The following ZNF81 variants were observed in gnomAD, a reference collection of about 807,000 sequenced individuals.
The protein encoded by ZNF81 is zinc finger protein 81, also known as zinc finger protein 81 (HFZ20).
In ZNF81, 5 loss-of-function variants were observed where a neutral mutation model predicts 32.3. The observed-to-expected ratio is 0.15, with a 90% CI of 0.08 to 0.33. The LOEUF (loss-of-function observed/expected upper bound fraction) is 0.33, where lower values mean the gene tolerates loss of function less well. Among genes scored for constraint, ZNF81 ranks in the 10% least tolerant of loss-of-function variants. ZNF81 has a pLI of 1.00. For missense variants in ZNF81, 379 were observed against 479.8 expected (o/e 0.79, Z 1.96); for synonymous variants, 163 against 166.8 (o/e 0.98, Z 0.17).
intron 2 of ZNF81, among the ~76,000 whole-genome samples, chrX:47,868,314 TGTCTA>T (rs1556883490): frequency 9.1e-6 from 1 of 110,127 alleles, no homozygotes; most frequent in Non-Finnish European, 1.9e-5. Flanking sequence ...CAGATTTGTT[TGTCTA>T]TTAAGTAGAT....
Position 47,920,048 on chromosome X carries a change from G to T in ZNF81, c.*3416G>T, listed in dbSNP as rs1556891656. 1 of 111,850 alleles carries T rather than the reference G, an allele frequency of 8.9e-6. No homozygotes were observed. Among genetic ancestry groups the T allele is most frequent in the East Asian group, 2.8e-4 (1 of 3,568 alleles). 9.2% of individuals were successfully genotyped at this position (111,850 alleles called of 1,213,427 possible). A position where few individuals can be genotyped will look rare whatever the true frequency, so the allele number is the denominator to read the frequency against. On this transcript the variant is annotated 3_prime_UTR_variant, in exon 5 of 5. Transcript: ENST00000338637. ...ATTATTCCTGGAAACAGCCATGGTT[G>T]CCCTTTTGATAGGCCATTAGCATGG...
chrX:47,848,786 T>C (rs1556880823), intron 2 of ZNF81, among the ~76,000 whole-genome samples: 1 of 111,338 alleles, frequency 9.0e-6, no homozygotes, highest in Non-Finnish European at 1.9e-5. Context: ...AATGCAGATA[T>C]TCTAAAATCT....
At chrX:47,873,002 T>C (rs1395659433) in intron 2 of ZNF81, among the ~76,000 whole-genome samples, 1 of 111,581 alleles carries the variant, frequency 9.0e-6, no homozygotes, top group Non-Finnish European at 1.9e-5. Flanking sequence ...TGCCATCCCC[T>C]TTTCTTTCTA....
chrX:47,914,861 G>A, intron 4 of ZNF81, 63 bp from the exon 5 acceptor site: 1 of 1,064,567 alleles, frequency 9.4e-7, no homozygotes, highest in Non-Finnish European at 1.3e-6. Flanking sequence ...TAGCTTATGT[G>A]TACCTTTTAA....
At chrX:47,868,927 A>G (rs1002502933) in intron 2 of ZNF81, among the ~76,000 whole-genome samples, 7 of 13,164 alleles carry the variant, frequency 5.3e-4, no homozygotes, top group Non-Finnish European at 7.1e-4. Context: ...TGTTCCAAAC[A>G]TAGTGGCGGG....
At chrX:47,848,193 G>A (rs1234065304) in intron 2 of ZNF81, among the ~76,000 whole-genome samples, 2 of 111,997 alleles carry the variant, frequency 1.8e-5, no homozygotes, top group Non-Finnish European at 3.8e-5. Context: ...GGAATTACAG[G>A]CGTGAGCCAC....
intron 1 of ZNF81, among the ~76,000 whole-genome samples, chrX:47,843,145 T>C (rs948006077): frequency 8.9e-6 from 1 of 111,745 alleles, no homozygotes; most frequent in Admixed American, 9.5e-5. Flanking sequence ...TCTTCCATGA[T>C]GTAATAGGTA....
chrX:47,919,288 T>C lies in ZNF81; in HGVS notation c.*2656T>C, dbSNP rs482066. On this transcript the variant is annotated 3_prime_UTR_variant, in exon 5 of 5. Coordinates refer to ENST00000338637, the MANE Select transcript of ZNF81 (RefSeq NM_007137.5). Reference sequence around the variant, plus strand: ...TTTGTGTTTCAGTTAGGATAATTTCTATTGATCTGTCTTCAAATTCACTGA... The same window carrying C: ...TTTGTGTTTCAGTTAGGATAATTTCCATTGATCTGTCTTCAAATTCACTGA... The C allele has an allele frequency of 0.038, 11,821 of 309,813 alleles. 616 individuals carry two copies. Among genetic ancestry groups the C allele is most frequent in the African/African-American group, 0.2 (7,322 of 36,993 alleles). The allele number at this position is 309,813 out of a possible 1,213,427, so 25.5% of individuals were successfully genotyped here.
At chrX:47,865,390 G>T (rs192270603) in intron 2 of ZNF81, among the ~76,000 whole-genome samples, 1 of 111,969 alleles carries the variant, frequency 8.9e-6, no homozygotes, top group African/African-American at 3.2e-5. Flanking sequence ...GCTATCTTTC[G>T]TAAGGGGTGT....
chrX:47,862,245 C>T (rs991888185), intron 2 of ZNF81, among the ~76,000 whole-genome samples: 5 of 110,801 alleles, frequency 4.5e-5, no homozygotes, highest in East Asian at 2.8e-4. Context: ...AGTACAATCT[C>T]GGCCGGGTGC....
intron 2 of ZNF81, among the ~76,000 whole-genome samples, chrX:47,861,938 C>A (rs1201870810): frequency 8.9e-6 from 1 of 112,080 alleles, no homozygotes; most frequent in Non-Finnish European, 1.9e-5. Context: ...TTATTAATCA[C>A]CTCGGCTAAA....
rs546511024 is a variant in ZNF81 at position 47,902,937 on chromosome X, A to G, written c.277+6997A>G. Among the ~76,000 whole-genome samples the G allele has an allele frequency of 3.5e-4, 39 of 112,327 alleles. No individual in the cohort carries two copies. In the South Asian group the frequency reaches 0.014, roughly 40 times the overall value. ...AATCAATAAATTTAATCCAGCATAT[A>G]AACAGAACCAAAGACAAAAACCACA... On this transcript the variant is annotated intron_variant, in intron 4 of 4. Transcript: ENST00000338637.
At chrX:47,883,080 TTC>T (rs1191521347) in intron 2 of ZNF81, among the ~76,000 whole-genome samples, 1 of 113,027 alleles carries the variant, frequency 8.8e-6, no homozygotes, top group Non-Finnish European at 1.9e-5. Context: ...ATTTTTGAGT[TTC>T]TTTTTAATTT....
At position 47,923,325 on chromosome X, in the gene ZNF81, T is replaced by C. The variant is rs1556892267; in HGVS notation, c.*6693T>C. Among the ~76,000 whole-genome samples the C allele has an allele frequency of 9.0e-6, 1 of 111,410 alleles. No individual in the cohort carries two copies. The highest frequency in any genetic ancestry group is 9.5e-5 in the Admixed American group (1 of 10,493). ...CCGGCATCTTAGTGTCATCCAGCTA[T>C]CTAAAGAAAATGTAGGGAGTAACAG... On this transcript the variant is annotated 3_prime_UTR_variant, in exon 5 of 5. Transcript: ENST00000338637.
At chrX:47,886,447 G>A (rs1046639212) in intron 2 of ZNF81, among the ~76,000 whole-genome samples, 5 of 111,099 alleles carry the variant, frequency 4.5e-5, no homozygotes, top group African/African-American at 1.6e-4. Flanking sequence ...AGAGATCTGG[G>A]CAGAGTTCAT....
chrX:47,888,196 G>A (rs1313238839), intron 3 of ZNF81, 71 bp downstream of exon 3: 1 of 1,147,998 alleles, frequency 8.7e-7, no homozygotes, highest in African/African-American at 1.8e-5. Context: ...AATAAAATAT[G>A]TTGAAGTCCT....
In ZNF81 at chrX:47,915,645, T is replaced by C. The variant is rs369210201; in HGVS notation, c.999T>C (p.Thr333=). 354 of 1,208,685 alleles carry C rather than the reference T, an allele frequency of 2.9e-4. No homozygotes were observed. Among genetic ancestry groups the C allele is most frequent in the Non-Finnish European group, 3.9e-4 (352 of 894,489 alleles). Residue 333 remains threonine (T), a synonymous_variant, in exon 5 of 5, where the codon ACT becomes ACC. Coordinates refer to ENST00000338637, the MANE Select transcript of ZNF81 (RefSeq NM_007137.5). The part of the protein sequence containing the change: ...VHRDEKLYIC[T]KCGKAFIQNS... ...GAGATGAAAAACTCTACATATGTAC[T>C]AAATGTGGGAAGGCCTTCATCCAGA... is the stretch of plus-strand genomic sequence containing the variant.
chrX:47,880,193 A>C (rs2058615212), intron 2 of ZNF81, among the ~76,000 whole-genome samples: 1 of 111,972 alleles, frequency 8.9e-6, no homozygotes, highest in Non-Finnish European at 1.9e-5. Flanking sequence ...TCTTTCACTC[A>C]GTAGTTTCAG....
At chrX:47,885,879 G>C (rs1463033803) in intron 2 of ZNF81, among the ~76,000 whole-genome samples, 2 of 111,662 alleles carry the variant, frequency 1.8e-5, no homozygotes, top group African/African-American at 3.3e-5. Context: ...GACTCCGTTT[G>C]TTTTTATTTT....
Sources: allele counts gnomAD v4.1 joint callset (sites outside exome capture counted in the v4.1 genomes callset), GRCh38; gene constraint gnomAD v4.1.1; transcripts MANE v1.5; gene names NCBI Gene and HGNC (gene_info 2026-07-23, HGNC 2026-07-21).